TNFSF11: variants seen among roughly 807,000 people sequenced by gnomAD.
TNFSF11 encodes the protein TNF superfamily member 11.
A neutral mutation model predicts 32.2 loss-of-function variants in TNFSF11; 12 were observed. The ratio of observed to expected loss-of-function variants is 0.37; its 90% CI spans 0.24 to 0.60. TNFSF11 has a LOEUF of 0.60. TNFSF11 is among the 20% of genes least tolerant of loss of function. The probability of loss-of-function intolerance (pLI) is 0.66; values close to 1 mark genes in which losing one functional copy is unlikely to be tolerated. For synonymous variants in TNFSF11, 172 were observed against 152.1 expected, an observed-to-expected ratio of 1.13 and a Z score of -0.96; for missense variants, 345 against 398.0, an observed-to-expected ratio of 0.87 and a Z score of 1.13.
chr13:42,572,000 G>A (rs1020611130), upstream of TNFSF11, among the ~76,000 whole-genome samples: 3 of 152,198 alleles, frequency 2.0e-5, no homozygotes, highest in African/African-American at 7.2e-5. Context: ...AACATATGGA[G>A]TTTATCTATT....
chr13:42,574,657 G>A, intron 1 of TNFSF11, 135 bp downstream of exon 1: 1 of 1,156,568 alleles, frequency 8.6e-7, no homozygotes, highest in Non-Finnish European at 1.2e-6. Context: ...ACTCCAGAAG[G>A]GAGAGAGGAA....
rs1873183616 is a variant in TNFSF11 at position 42,574,221 on chromosome 13, CGCA to C, written c.-80_-78del. 6.6e-7 allele frequency: 1 copy of C among 1,513,500 alleles called. No homozygotes were observed. The highest frequency in any genetic ancestry group is 2.0e-5 in the Admixed American group (1 of 50,728). 93.8% of individuals were successfully genotyped at this position (1,513,500 alleles called of 1,614,324 possible). ...TCGGCGCCCCACGTCGAGGCTCCGC[CGCA>C]GCCTCCGGAGTTGGCCGCAGACAAG... On this transcript the variant is annotated 5_prime_UTR_variant, in exon 1 of 5. Transcript: ENST00000398795.
At position 42,606,663 on chromosome 13, in the gene TNFSF11, A is replaced by G; in HGVS notation, c.699A>G (p.Thr233=). 6.2e-7 allele frequency: 1 copy of G among 1,614,252 alleles called. No individual in the cohort carries two copies. Among genetic ancestry groups the G allele is most frequent in the Non-Finnish European group, 8.5e-7 (1 of 1,180,050 alleles). Residue 233 remains threonine (T), a synonymous_variant, in exon 5 of 5, where the codon ACA becomes ACG. Transcript: ENST00000398795. ...RHHETSGDLA[T]EYLQLMVYVT... ...ATGAAACTTCAGGAGACCTAGCTAC[A>G]GAGTATCTTCAACTAATGGTGTACG...
At chr13:42,569,999 T>C (rs138520115), upstream of TNFSF11, among the ~76,000 whole-genome samples, 6 of 152,262 alleles carry the variant, frequency 3.9e-5, no homozygotes, top group East Asian at 1.2e-3. Context: ...ATTAACATTA[T>C]GTTAACATGC....
At chr13:42,602,382 C>T (rs970936920) in intron 4 of TNFSF11, among the ~76,000 whole-genome samples, 5 of 151,992 alleles carry the variant, frequency 3.3e-5, no homozygotes, top group African/African-American at 1.2e-4. Context: ...CCACCTTTTT[C>T]CTACAAATAA....
chr13:42,597,867 T>A (rs1409529578), intron 2 of TNFSF11, among the ~76,000 whole-genome samples: 1 of 152,182 alleles, frequency 6.6e-6, no homozygotes, highest in Non-Finnish European at 1.5e-5. Flanking sequence ...TTTCTTTTTT[T>A]TAGACGGGGT....
upstream of TNFSF11, among the ~76,000 whole-genome samples, chr13:42,572,714 C>T (rs1248250210): frequency 6.6e-6 from 1 of 152,162 alleles, no homozygotes; most frequent in East Asian, 1.9e-4. Context: ...CTTTGTATGG[C>T]TGCCTTTAAA....
At chr13:42,582,607 A>G (rs1873670726) in intron 2 of TNFSF11, among the ~76,000 whole-genome samples, 1 of 152,236 alleles carries the variant, frequency 6.6e-6, no homozygotes, top group Non-Finnish European at 1.5e-5. Context: ...TATTAGTTTA[A>G]TGTGTCTATA....
intron 2 of TNFSF11, among the ~76,000 whole-genome samples, chr13:42,586,855 T>G (rs890714253): frequency 6.6e-6 from 1 of 152,218 alleles, no homozygotes; most frequent in African/African-American, 2.4e-5. Context: ...TTTTATTCCC[T>G]GGGAATCAGG....
chr13:42,606,971 A>G lies in TNFSF11; in HGVS notation c.*53A>G, dbSNP rs1869496129. The G allele has an allele frequency of 1.9e-6, 3 of 1,610,624 alleles. No individual in the cohort carries two copies. The Admixed American group carries it at 5.0e-5, about 27-fold the overall frequency. The stretch of plus-strand genomic sequence containing the variant: ...TCCTGGATGTTTGGAAACATTTTTT[A>G]AAACAAGCCAAGAAAGATGTATATA... On this transcript the variant is annotated 3_prime_UTR_variant, in exon 5 of 5. Transcript: ENST00000398795.
intron 1 of TNFSF11, among the ~76,000 whole-genome samples, chr13:42,579,690 G>A (rs1460102218): frequency 8.2e-5 from 11 of 134,260 alleles, no homozygotes; most frequent in Non-Finnish European, 1.2e-4. Flanking sequence ...GATACACACC[G>A]GCATAAGTAA....
chr13:42,596,875 C>G (rs2137895895), intron 2 of TNFSF11, among the ~76,000 whole-genome samples: 1 of 152,306 alleles, frequency 6.6e-6, no homozygotes, highest in South Asian at 2.1e-4. Context: ...AAAAACTACC[C>G]AGTCACTATC....
chr13:42,578,323 T>C (rs983596700), intron 1 of TNFSF11, among the ~76,000 whole-genome samples: 14 of 152,170 alleles, frequency 9.2e-5, no homozygotes, highest in Non-Finnish European at 1.5e-5. Context: ...TCAGTCTGGC[T>C]CCCTCCCTGC....
At chr13:42,597,982 C>T (rs1051621658) in intron 2 of TNFSF11, among the ~76,000 whole-genome samples, 6 of 152,026 alleles carry the variant, frequency 3.9e-5, no homozygotes, top group African/African-American at 1.4e-4. Context: ...CTGAAGAGCA[C>T]AGGTGGATGT....
intron 4 of TNFSF11, among the ~76,000 whole-genome samples, chr13:42,605,011 C>G (rs1318438018): frequency 6.6e-6 from 1 of 152,026 alleles, no homozygotes; most frequent in Non-Finnish European, 1.5e-5. Context: ...TCTCGAACTC[C>G]CGACCTCATG....
intron 2 of TNFSF11, among the ~76,000 whole-genome samples, chr13:42,584,290 TTAAA>T (rs1466192677): frequency 1.3e-5 from 2 of 152,340 alleles, no homozygotes; most frequent in South Asian, 2.1e-4. Flanking sequence ...CAACATTACT[TTAAA>T]TAAGTGAACA....
chr13:42,579,242 A>AC (rs1484172970), intron 1 of TNFSF11, among the ~76,000 whole-genome samples: 1 of 151,996 alleles, frequency 6.6e-6, no homozygotes, highest in African/African-American at 2.4e-5. Flanking sequence ...AGAAAAAAAA[A>AC]GGAAGAAATT....
chr13:42,574,034 A>T, upstream of TNFSF11: 1 of 522,910 alleles, frequency 1.9e-6, no homozygotes, highest in Non-Finnish European at 3.4e-6. Flanking sequence ...GGGAGGGCGA[A>T]AGGAAGGAAG....
At chr13:42,593,205 A>C (rs1868601061) in intron 2 of TNFSF11, among the ~76,000 whole-genome samples, 1 of 152,232 alleles carries the variant, frequency 6.6e-6, no homozygotes, top group African/African-American at 2.4e-5. Context: ...CATGCGGGAA[A>C]TTCCAAAGGC....
Sources: allele counts gnomAD v4.1 joint callset (sites outside exome capture counted in the v4.1 genomes callset), GRCh38; gene constraint gnomAD v4.1.1; transcripts MANE v1.5; gene names NCBI Gene and HGNC (gene_info 2026-07-23, HGNC 2026-07-21).